The following CHD6 variants were observed in gnomAD, a reference collection of about 807,000 sequenced individuals.
CHD6 encodes the protein chromodomain helicase DNA binding protein 6.
Under a neutral mutation model 276.9 loss-of-function variants are expected in CHD6, and 50 were observed. The observed-to-expected ratio is 0.18, with a 90% CI of 0.14 to 0.23. The LOEUF (loss-of-function observed/expected upper bound fraction) is 0.23. CHD6 is among the 10% of genes least tolerant of loss of function. The pLI is 1.00. For missense variants in CHD6, 2,564 were observed against 3,365.8 expected (o/e 0.76, Z 5.89); for synonymous variants, 1,173 against 1,229.3 (o/e 0.95, Z 0.96).
chr20:41,455,124 A>C (rs1267201124), intron 19 of CHD6, among the ~76,000 whole-genome samples: 1 of 152,208 alleles, frequency 6.6e-6, no homozygotes, highest in African/African-American at 2.4e-5. Flanking sequence ...AAAAGGTATT[A>C]GGCTGGGCAG....
chr20:41,475,362 A>T (rs1007898680), intron 16 of CHD6, among the ~76,000 whole-genome samples: 7 of 152,234 alleles, frequency 4.6e-5, no homozygotes, highest in Admixed American at 4.6e-4. Flanking sequence ...ACCCACATCC[A>T]TTTGACTTAA....
chr20:41,506,726 C>CA (rs1167055121), intron 5 of CHD6, among the ~76,000 whole-genome samples: 2 of 152,164 alleles, frequency 1.3e-5, no homozygotes, highest in African/African-American at 4.8e-5. Context: ...CGTGTAGGTT[C>CA]AAAATCTGGC....
At chr20:41,607,786 C>G (rs1461964020) in intron 1 of CHD6, among the ~76,000 whole-genome samples, 1 of 150,310 alleles carries the variant, frequency 6.7e-6, no homozygotes, top group Non-Finnish European at 1.5e-5. Context: ...AAAAAAACAC[C>G]TCATTAAAAA....
At chr20:41,425,708 A>G (rs1389288206) in intron 28 of CHD6, among the ~76,000 whole-genome samples, 1 of 152,036 alleles carries the variant, frequency 6.6e-6, no homozygotes, top group African/African-American at 2.4e-5. Flanking sequence ...GCACCTTCCA[A>G]TTACCAAAGC....
intron 26 of CHD6, among the ~76,000 whole-genome samples, chr20:41,437,717 G>A (rs1037800340): frequency 3.9e-5 from 6 of 152,116 alleles, no homozygotes; most frequent in Non-Finnish European, 8.8e-5. Context: ...TACCAATATC[G>A]GCAGATGATC....
chr20:41,441,584 T>C (rs1286559832), intron 25 of CHD6, among the ~76,000 whole-genome samples: 1 of 152,240 alleles, frequency 6.6e-6, no homozygotes, highest in Non-Finnish European at 1.5e-5. Context: ...TGCTCAGGCA[T>C]GGAGCAAGCT....
chr20:41,557,198 C>A (rs958273745), intron 1 of CHD6, among the ~76,000 whole-genome samples: 17 of 152,212 alleles, frequency 1.1e-4, no homozygotes, highest in Non-Finnish European at 7.3e-5. Context: ...TGGTGGGAAG[C>A]TAGTGGGACT....
chr20:41,467,964 C>T (rs1404856216), intron 17 of CHD6, among the ~76,000 whole-genome samples: 1 of 152,148 alleles, frequency 6.6e-6, no homozygotes, highest in Non-Finnish European at 1.5e-5. Flanking sequence ...TCTACATGGT[C>T]ATACTCTTTG....
intron 1 of CHD6, among the ~76,000 whole-genome samples, chr20:41,595,437 A>G (rs1433136735): frequency 1.3e-5 from 2 of 152,174 alleles, no homozygotes; most frequent in Non-Finnish European, 2.9e-5. Context: ...AGGGACCTAA[A>G]TTCCCATGAG....
intron 3 of CHD6, among the ~76,000 whole-genome samples, chr20:41,525,469 G>T (rs1170242222): frequency 6.6e-6 from 1 of 152,156 alleles, no homozygotes; most frequent in South Asian, 2.1e-4. Context: ...CACAGCGCCT[G>T]CCTGAGCTCT....
At chr20:41,467,711 A>C (rs1199932811) in intron 17 of CHD6, among the ~76,000 whole-genome samples, 2 of 152,002 alleles carry the variant, frequency 1.3e-5, no homozygotes. Flanking sequence ...CTGGGGTTAA[A>C]TCTGTCAGAT....
chr20:41,597,205 G>C (rs1212964360), intron 1 of CHD6, among the ~76,000 whole-genome samples: 1 of 152,134 alleles, frequency 6.6e-6, no homozygotes, highest in East Asian at 1.9e-4. Flanking sequence ...AGGGAGGTCA[G>C]GGATTCTGTT....
intron 1 of CHD6, among the ~76,000 whole-genome samples, chr20:41,587,108 T>C (rs2045603835): frequency 6.6e-6 from 1 of 152,204 alleles, no homozygotes; most frequent in Non-Finnish European, 1.5e-5. Context: ...AACTATAATT[T>C]AATAAGGTCA....
At chr20:41,437,549 TA>T (rs1365953610) in intron 26 of CHD6, among the ~76,000 whole-genome samples, 1 of 152,244 alleles carries the variant, frequency 6.6e-6, no homozygotes, top group Non-Finnish European at 1.5e-5. Flanking sequence ...CCCTAATTTA[TA>T]AATTAAACTT....
chr20:41,525,517 T>C (rs1002703751), intron 3 of CHD6, among the ~76,000 whole-genome samples: 1 of 152,220 alleles, frequency 6.6e-6, no homozygotes, highest in African/African-American at 2.4e-5. Flanking sequence ...TCCACCAGTA[T>C]GATCCCACTG....
chr20:41,438,723 C>G (rs2047798511), intron 26 of CHD6, among the ~76,000 whole-genome samples: 1 of 152,132 alleles, frequency 6.6e-6, no homozygotes, highest in Non-Finnish European at 1.5e-5. Context: ...AAAAGCCACC[C>G]CACAAAAAAT....
chr20:41,508,349 G>C (rs2044030032), intron 5 of CHD6, among the ~76,000 whole-genome samples: 2 of 152,210 alleles, frequency 1.3e-5, no homozygotes, highest in African/African-American at 4.8e-5. Context: ...CAAAACACAG[G>C]AGTTTTGATC....
In CHD6 at chr20:41,531,332, A is replaced by T. The variant is rs191263769; in HGVS notation, c.554+1718T>A. 4.9e-3 allele frequency among the ~76,000 whole-genome samples: 749 copies of T among 152,266 alleles called. 4 individuals are homozygous for T. The highest frequency in any genetic ancestry group is 0.037 in the Middle Eastern group (11 of 294). On this transcript the variant is annotated intron_variant, in intron 3 of 36. Transcript: ENST00000373233. ...TCAAACACAATCTTTATGCCTTATTATTCTCTGTAATAATAATAAAAAAAA... is the reference window on the plus strand; with the variant it reads ...TCAAACACAATCTTTATGCCTTATTTTTCTCTGTAATAATAATAAAAAAAA...
rs1041971627 is a variant in CHD6 at position 41,486,227 on chromosome 20, G to C, written c.2001+1438C>G. 4 of 152,128 alleles carry C rather than the reference G, an allele frequency of 2.6e-5. No homozygotes were observed. The East Asian group carries it at 5.8e-4, about 22-fold the overall frequency. 9.4% of individuals were successfully genotyped at this position (152,128 alleles called of 1,614,324 possible). A position where few individuals can be genotyped will look rare whatever the true frequency, so the allele number is the denominator to read the frequency against. ...TGGGTTCAGCTTTTGCCCTTCTCTT[G>C]GTTCATACCTTGAATCATTTAGAGT... On this transcript the variant is annotated intron_variant, in intron 14 of 36. Transcript: ENST00000373233.
Sources: allele counts gnomAD v4.1 joint callset (sites outside exome capture counted in the v4.1 genomes callset), GRCh38; gene constraint gnomAD v4.1.1; transcripts MANE v1.5; gene names NCBI Gene and HGNC (gene_info 2026-07-23, HGNC 2026-07-21).